Variants in SLC39A12 observed in about 807,000 individuals in gnomAD.
The protein encoded by SLC39A12 is solute carrier family 39 member 12.
Under a neutral mutation model 71.1 loss-of-function variants are expected in SLC39A12, and 63 were observed. The observed-to-expected ratio is 0.89, with a 90% CI of 0.72 to 1.09. The LOEUF is 1.09. Ranked by LOEUF, SLC39A12 falls within the 50% of genes least tolerant of loss-of-function variation. The probability of loss-of-function intolerance (pLI) is 0.00; values close to 1 mark genes in which losing one functional copy is unlikely to be tolerated. For missense variants in SLC39A12, 892 were observed against 812.6 expected, an observed-to-expected ratio of 1.10 and a Z score of -1.19; for synonymous variants, 351 against 301.3, an observed-to-expected ratio of 1.16 and a Z score of -1.71.
At chr10:17,955,969 T>C (rs1424441248) in intron 2 of SLC39A12, among the ~76,000 whole-genome samples, 2 of 152,156 alleles carry the variant, frequency 1.3e-5, no homozygotes, top group African/African-American at 4.8e-5. Context: ...GGCCCTTTTC[T>C]GGCACCTTCT....
At chr10:17,957,271 G>A (rs1834575015) in intron 2 of SLC39A12, among the ~76,000 whole-genome samples, 1 of 152,158 alleles carries the variant, frequency 6.6e-6, no homozygotes, top group Non-Finnish European at 1.5e-5. Flanking sequence ...GAATTTCAAG[G>A]CTGGGTGAGA....
intron 4 of SLC39A12, among the ~76,000 whole-genome samples, chr10:17,977,496 CTGCCATACCATAGT>C (rs1835139161): frequency 6.6e-6 from 1 of 152,166 alleles, no homozygotes; most frequent in Admixed American, 6.5e-5. Context: ...TTTAAATTGA[CTGCCATACCATAGT>C]TGCATTAGAA....
At chr10:18,030,829 G>T (rs1206780535) in intron 12 of SLC39A12, among the ~76,000 whole-genome samples, 1 of 121,714 alleles carries the variant, frequency 8.2e-6, no homozygotes, top group Non-Finnish European at 1.6e-5. Flanking sequence ...CCCAGAGTGT[G>T]ATATTCCCCT....
At chr10:17,994,243 C>A (rs1245246936) in intron 9 of SLC39A12, among the ~76,000 whole-genome samples, 2 of 152,150 alleles carry the variant, frequency 1.3e-5, no homozygotes, top group Admixed American at 1.3e-4. Flanking sequence ...ATAACCAAAT[C>A]TCTGAAGGTA....
intron 12 of SLC39A12, among the ~76,000 whole-genome samples, chr10:18,037,186 G>A (rs2497785): frequency 0.77 from 116,397 of 152,102 alleles, 45,447 homozygotes; most frequent in African/African-American, 0.91. Flanking sequence ...CTGATTTTCT[G>A]TTGGTGTGTT....
intron 6 of SLC39A12, among the ~76,000 whole-genome samples, chr10:17,983,406 G>A (rs1467659750): frequency 1.3e-5 from 2 of 151,836 alleles, no homozygotes; most frequent in Non-Finnish European, 2.9e-5. Context: ...GAGGATCATT[G>A]GAGCCCAGCA....
intron 12 of SLC39A12, among the ~76,000 whole-genome samples, chr10:18,029,302 G>A (rs1412683793): frequency 6.6e-6 from 1 of 152,140 alleles, no homozygotes; most frequent in Non-Finnish European, 1.5e-5. Context: ...GTAGTTTGTG[G>A]ACTCTGCTGC....
chr10:17,995,222 G>A (rs937271533), intron 9 of SLC39A12, among the ~76,000 whole-genome samples: 3 of 152,200 alleles, frequency 2.0e-5, no homozygotes, highest in East Asian at 3.8e-4. Flanking sequence ...ATTTGCATGG[G>A]TGTCTTTTCC....
chr10:17,989,399 C>T (rs1195635033), intron 7 of SLC39A12, among the ~76,000 whole-genome samples: 2 of 152,196 alleles, frequency 1.3e-5, no homozygotes, highest in African/African-American at 2.4e-5. Context: ...TGAGTAGAGG[C>T]GGCGGCCCAG....
At chr10:18,027,320 T>C (rs914249551) in intron 12 of SLC39A12, among the ~76,000 whole-genome samples, 4 of 152,208 alleles carry the variant, frequency 2.6e-5, no homozygotes, top group Non-Finnish European at 4.4e-5. Flanking sequence ...CCAGGTGGAT[T>C]AGGCTTTGAT....
intron 4 of SLC39A12, among the ~76,000 whole-genome samples, chr10:17,973,536 T>C (rs142538361): frequency 0.014 from 2,060 of 152,240 alleles, 40 homozygotes; most frequent in African/African-American, 0.043. Flanking sequence ...TTTCTTCCTT[T>C]AGCACTTTAA....
chr10:17,987,408 C>A, intron 6 of SLC39A12, 71 bp from the exon 7 acceptor site: 1 of 1,448,228 alleles, frequency 6.9e-7, no homozygotes, highest in Non-Finnish European at 9.6e-7. Flanking sequence ...ATTCTTCTGG[C>A]ATTTTCGCCA....
At chr10:17,994,122 A>G (rs143334119) in intron 9 of SLC39A12, among the ~76,000 whole-genome samples, 1 of 152,284 alleles carries the variant, frequency 6.6e-6, no homozygotes, top group African/African-American at 2.4e-5. Context: ...TTGCTTAGAC[A>G]TTCTAAATGT....
Position 17,953,503 on chromosome 10 carries a change from G to C in SLC39A12, c.227G>C (p.Arg76Pro). 5 of 1,614,174 alleles carry C rather than the reference G, an allele frequency of 3.1e-6. No homozygotes were observed. The highest frequency in any genetic ancestry group is 4.2e-6 in the Non-Finnish European group (5 of 1,180,044). Residue 76 changes from arginine (R) to proline (P), a missense_variant, in exon 2 of 13, where the codon CGG becomes CCG. Physicochemically the swap from Arg to Pro is moderately radical, Grantham distance 103. Coordinates refer to ENST00000377369, the MANE Select transcript of SLC39A12 (RefSeq NM_001145195.2). ...KTLLEKTGCPRRRNGMQGDCN... is the reference protein window; with the variant it reads ...KTLLEKTGCPPRRNGMQGDCN... ...TTGTTGGAGAAAACTGGGTGCCCAC[G>C]GAGGAGAAACGGAATGCAAGGAGAT...
Position 18,003,262 on chromosome 10 carries a change from A to G in SLC39A12, c.1851A>G (p.Leu617=), listed in dbSNP as rs1835887345. The G allele has an allele frequency of 6.2e-7, 1 of 1,614,120 alleles. No homozygotes were observed. Among genetic ancestry groups the G allele is most frequent in the South Asian group, 1.1e-5 (1 of 91,084 alleles). ...FISSLTAFMG[L]YIGLSVSADP... is the part of the protein sequence containing the mutation. ...GCTCCCTAACTGCCTTCATGGGATTATACATTGGCCTTTCCGTGTCAGCTG... is the reference window on the plus strand; with the variant it reads ...GCTCCCTAACTGCCTTCATGGGATTGTACATTGGCCTTTCCGTGTCAGCTG... The change falls in exon 12 of 13, where the codon TTA becomes TTG. Residue 617 remains leucine (L), a synonymous_variant. Coordinates refer to ENST00000377369, the MANE Select transcript of SLC39A12 (RefSeq NM_001145195.2).
chr10:17,997,853 C>A (rs1334552294), intron 10 of SLC39A12, among the ~76,000 whole-genome samples: 2 of 152,174 alleles, frequency 1.3e-5, no homozygotes, highest in African/African-American at 4.8e-5. Context: ...CTTCCAGCCC[C>A]CATGTTTTAC....
chr10:17,990,761 A>G (rs1835523283), intron 7 of SLC39A12, among the ~76,000 whole-genome samples: 2 of 152,198 alleles, frequency 1.3e-5, no homozygotes, highest in Non-Finnish European at 2.9e-5. Context: ...TATAAAATTT[A>G]TTAATATTTT....
intron 12 of SLC39A12, among the ~76,000 whole-genome samples, chr10:18,039,904 A>G (rs1019985634): frequency 6.6e-6 from 1 of 152,240 alleles, no homozygotes; most frequent in Non-Finnish European, 1.5e-5. Context: ...CAAGGCATTT[A>G]GAAACCAAAA....
At chr10:18,026,421 T>C (rs1836679527) in intron 12 of SLC39A12, among the ~76,000 whole-genome samples, 1 of 152,160 alleles carries the variant, frequency 6.6e-6, no homozygotes, top group South Asian at 2.1e-4. Context: ...CAGATACTTC[T>C]CATCTTTGCT....
Sources: allele counts gnomAD v4.1 joint callset (sites outside exome capture counted in the v4.1 genomes callset), GRCh38; gene constraint gnomAD v4.1.1; transcripts MANE v1.5; gene names NCBI Gene and HGNC (gene_info 2026-07-23, HGNC 2026-07-21).